The following KIAA0825 variants were observed in gnomAD, a reference collection of about 807,000 sequenced individuals.
The protein encoded by KIAA0825 is uncharacterized protein KIAA0825.
Under a neutral mutation model 147.6 loss-of-function variants are expected in KIAA0825, and 119 were observed. That is an observed-to-expected ratio of 0.81 (90% CI 0.69 to 0.94). The LOEUF is 0.94. KIAA0825 is among the 40% of genes least tolerant of loss of function. The pLI, the probability that KIAA0825 is intolerant of heterozygous loss-of-function variation, is 0.00. For missense variants in KIAA0825, 1,381 were observed against 1,472.7 expected, an observed-to-expected ratio of 0.94 and a Z score of 1.02; for synonymous variants, 470 against 518.1, an observed-to-expected ratio of 0.91 and a Z score of 1.26.
intron 11 of KIAA0825, among the ~76,000 whole-genome samples, chr5:94,463,932 A>G (rs1431825378): frequency 6.6e-6 from 1 of 151,918 alleles, no homozygotes; most frequent in Non-Finnish European, 1.5e-5. Flanking sequence ...CAGTTTTTTA[A>G]AAGAGTCTGG....
intron 20 of KIAA0825, among the ~76,000 whole-genome samples, chr5:94,303,601 G>C (rs909476463): frequency 1.3e-5 from 2 of 152,082 alleles, no homozygotes; most frequent in Non-Finnish European, 2.9e-5. Context: ...GTATAAAGAA[G>C]AATTGGGGTC....
At chr5:94,502,254 G>C (rs528715110) in intron 5 of KIAA0825, among the ~76,000 whole-genome samples, 2 of 152,046 alleles carry the variant, frequency 1.3e-5, no homozygotes, top group Admixed American at 1.3e-4. Context: ...GGCATATAAT[G>C]CTTTTGAGAA....
At chr5:94,384,540 G>T (rs1748882979) in intron 19 of KIAA0825, 82 bp from the exon 20 acceptor site, 3 of 1,123,066 alleles carry the variant, frequency 2.7e-6, no homozygotes, top group Non-Finnish European at 3.9e-6. Flanking sequence ...CTCCAGCTGT[G>T]ATAGACTAAC....
intron 1 of KIAA0825, among the ~76,000 whole-genome samples, chr5:94,606,666 T>C (rs566074192): frequency 1.3e-5 from 2 of 152,308 alleles, no homozygotes; most frequent in African/African-American, 4.8e-5. Context: ...ACAGATAACC[T>C]ACAGAATGGG....
chr5:94,408,371 CAG>C, intron 15 of KIAA0825, among the ~76,000 whole-genome samples: 1 of 151,964 alleles, frequency 6.6e-6, no homozygotes, highest in Admixed American at 6.6e-5. Context: ...ATTTTTGAGA[CAG>C]AGTCTCGCTC....
At chr5:94,222,705 C>T (rs1479237908) in intron 20 of KIAA0825, among the ~76,000 whole-genome samples, 2 of 152,046 alleles carry the variant, frequency 1.3e-5, no homozygotes, top group Non-Finnish European at 2.9e-5. Flanking sequence ...TAAAAGCAGG[C>T]ATCTTTGAAT....
At chr5:94,373,203 ATCT>A (rs577316443) in intron 20 of KIAA0825, among the ~76,000 whole-genome samples, 269 of 152,162 alleles carry the variant, frequency 1.8e-3, no homozygotes, top group African/African-American at 6.3e-3. Context: ...ACATTTTCCT[ATCT>A]TCTTCTGAAT....
chr5:94,519,652 T>G, intron 5 of KIAA0825: 1 of 640,592 alleles, frequency 1.6e-6, no homozygotes, highest in South Asian at 7.1e-5. Context: ...CAGAATTTTA[T>G]AATTATAGTA....
intron 20 of KIAA0825, among the ~76,000 whole-genome samples, chr5:94,240,527 C>G (rs760775276): frequency 6.6e-6 from 1 of 152,182 alleles, no homozygotes; most frequent in Non-Finnish European, 1.5e-5. Flanking sequence ...AACCTGTTCT[C>G]TTATTGATAC....
chr5:94,347,421 C>T (rs1385055721), intron 20 of KIAA0825, among the ~76,000 whole-genome samples: 3 of 152,196 alleles, frequency 2.0e-5, no homozygotes, highest in East Asian at 1.9e-4. Flanking sequence ...CCACTTCCAC[C>T]GGAACAGGCA....
At chr5:94,565,292 T>A in intron 2 of KIAA0825, among the ~76,000 whole-genome samples, 1 of 150,968 alleles carries the variant, frequency 6.6e-6, no homozygotes, top group Non-Finnish European at 1.5e-5. Context: ...GCCAGAATGA[T>A]CTTTCTAAAA....
intron 20 of KIAA0825, among the ~76,000 whole-genome samples, chr5:94,278,830 A>G (rs1413358220): frequency 3.4e-5 from 1 of 29,426 alleles, no homozygotes; most frequent in Non-Finnish European, 7.3e-5. Flanking sequence ...AAATTATCTG[A>G]ATACTTTCCT....
chr5:94,198,577 A>G (rs2150016720), intron 20 of KIAA0825, among the ~76,000 whole-genome samples: 1 of 152,182 alleles, frequency 6.6e-6, no homozygotes, highest in African/African-American at 2.4e-5. Context: ...GGAGGGGAAC[A>G]TCACACACTG....
intron 3 of KIAA0825, among the ~76,000 whole-genome samples, chr5:94,536,357 G>A (rs975500939): frequency 3.3e-5 from 5 of 152,312 alleles, no homozygotes; most frequent in African/African-American, 9.6e-5. Context: ...TTGCACATTT[G>A]TAACCTACAT....
chr5:94,606,544 G>C (rs1787523766), intron 1 of KIAA0825, among the ~76,000 whole-genome samples: 1 of 152,104 alleles, frequency 6.6e-6, no homozygotes, highest in Non-Finnish European at 1.5e-5. Context: ...CTTGGTATTG[G>C]TACAAAAACA....
chr5:94,498,452 T>C (rs1220094937), intron 5 of KIAA0825, among the ~76,000 whole-genome samples: 2 of 152,170 alleles, frequency 1.3e-5, no homozygotes, highest in South Asian at 2.1e-4. Flanking sequence ...ACCAAAACAA[T>C]TGATGATTAA....
chr5:94,273,495 G>A (rs369900870), intron 20 of KIAA0825, among the ~76,000 whole-genome samples: 15 of 152,072 alleles, frequency 9.9e-5, no homozygotes, highest in African/African-American at 2.4e-4. Context: ...TACTGATCCC[G>A]TCACCCAGAC....
chr5:94,232,270 A>G (rs1299708766), intron 20 of KIAA0825, among the ~76,000 whole-genome samples: 1 of 152,076 alleles, frequency 6.6e-6, no homozygotes, highest in Non-Finnish European at 1.5e-5. Flanking sequence ...ATTTTTCCAT[A>G]TATACCTTTG....
rs75273450 is a variant in KIAA0825 at position 94,539,950 on chromosome 5, G to A, written c.-1-2823C>T. Among the ~76,000 whole-genome samples the A allele has an allele frequency of 2.0e-3, 304 of 152,242 alleles. 1 individual carries two copies. The highest frequency in any genetic ancestry group is 7.1e-3 in the African/African-American group (295 of 41,548). Reference sequence around the variant, plus strand: ...GCATTAGGCATGTACAGGATCACAGGACATGGGGAGCTTTTCCTCCCCAAA... The same window carrying A: ...GCATTAGGCATGTACAGGATCACAGAACATGGGGAGCTTTTCCTCCCCAAA... On this transcript the variant is annotated intron_variant, in intron 2 of 20. Coordinates refer to ENST00000682413, the MANE Select transcript of KIAA0825 (RefSeq NM_001145678.3).
Sources: allele counts gnomAD v4.1 joint callset (sites outside exome capture counted in the v4.1 genomes callset), GRCh38; gene constraint gnomAD v4.1.1; transcripts MANE v1.5; gene names NCBI Gene and HGNC (gene_info 2026-07-23, HGNC 2026-07-21).